ANKS1B: variants seen among roughly 807,000 people sequenced by gnomAD.
The protein encoded by ANKS1B is ankyrin repeat and sterile alpha motif domain containing 1B, also known as ankyrin repeat and sterile alpha motif domain-containing protein 1B.
Under a neutral mutation model 148.3 loss-of-function variants are expected in ANKS1B, and 36 were observed. The ratio of observed to expected loss-of-function variants is 0.24; its 90% CI spans 0.19 to 0.32. The LOEUF is 0.32. Ranked by LOEUF, ANKS1B falls within the 10% of genes least tolerant of loss-of-function variation. The pLI is 1.00. For synonymous variants in ANKS1B, 542 were observed against 560.8 expected (o/e 0.97, Z 0.47); for missense variants, 1,157 against 1,542.6 (o/e 0.75, Z 4.19).
intron 1 of ANKS1B, among the ~76,000 whole-genome samples, chr12:99,846,397 C>T (rs538665153): frequency 1.3e-5 from 2 of 151,810 alleles, no homozygotes; most frequent in African/African-American, 2.4e-5. Flanking sequence ...TATATTAAAC[C>T]TACATTTCTT....
intron 10 of ANKS1B, among the ~76,000 whole-genome samples, chr12:99,478,919 C>T (rs953440391): frequency 3.9e-5 from 6 of 151,974 alleles, no homozygotes; most frequent in Non-Finnish European, 7.4e-5. Flanking sequence ...TTCTAATACC[C>T]ATATTAAAAC....
chr12:99,447,990 T>C (rs2095663839), intron 10 of ANKS1B, among the ~76,000 whole-genome samples: 1 of 152,110 alleles, frequency 6.6e-6, no homozygotes, highest in Non-Finnish European at 1.5e-5. Context: ...GGAACCACTG[T>C]ACACTGTTAA....
intron 11 of ANKS1B, among the ~76,000 whole-genome samples, chr12:99,412,462 G>A (rs1226500617): frequency 6.6e-6 from 1 of 152,154 alleles, no homozygotes; most frequent in African/African-American, 2.4e-5. Flanking sequence ...TGTTGCTCAG[G>A]CTTGAGATTC....
intron 17 of ANKS1B, among the ~76,000 whole-genome samples, chr12:98,927,570 T>G (rs2099809866): frequency 6.6e-6 from 1 of 151,976 alleles, no homozygotes; most frequent in South Asian, 2.1e-4. Context: ...TAATTGAAAT[T>G]TTTTTCTTTT....
chr12:99,843,499 C>T (rs1237887108), intron 1 of ANKS1B, among the ~76,000 whole-genome samples: 1 of 152,084 alleles, frequency 6.6e-6, no homozygotes, highest in Non-Finnish European at 1.5e-5. Flanking sequence ...TAAGTGAGAA[C>T]ATGTGGTATT....
intron 9 of ANKS1B, among the ~76,000 whole-genome samples, chr12:99,598,788 T>C (rs745421380): frequency 1.3e-5 from 2 of 152,122 alleles, no homozygotes; most frequent in Non-Finnish European, 2.9e-5. Context: ...CAGAAACAAC[T>C]GTTGTATTAG....
intron 17 of ANKS1B, among the ~76,000 whole-genome samples, chr12:98,964,529 A>C (rs1325875265): frequency 1.3e-5 from 2 of 152,226 alleles, no homozygotes; most frequent in African/African-American, 4.8e-5. Context: ...CACTATTCAC[A>C]ATGGCCAAGA....
At chr12:98,753,009 C>A (rs567972439) in intron 25 of ANKS1B, among the ~76,000 whole-genome samples, 17 of 152,330 alleles carry the variant, frequency 1.1e-4, no homozygotes, top group Non-Finnish European at 2.1e-4. Context: ...AGTGCTCCAA[C>A]AGAGCCAATT....
chr12:99,271,042 AG>A (rs1315738901), intron 12 of ANKS1B, among the ~76,000 whole-genome samples: 6 of 152,236 alleles, frequency 3.9e-5, no homozygotes, highest in African/African-American at 1.4e-4. Context: ...TAAAGGATAA[AG>A]CCCAATGCCT....
intron 12 of ANKS1B, among the ~76,000 whole-genome samples, chr12:99,333,863 T>G (rs556645988): frequency 4.7e-5 from 7 of 149,652 alleles, no homozygotes; most frequent in East Asian, 3.9e-4. Flanking sequence ...AGTTTTTTTT[T>G]TTTTTTTTTT....
At chr12:99,963,940 C>G (rs1253243649) in intron 1 of ANKS1B, among the ~76,000 whole-genome samples, 2 of 152,178 alleles carry the variant, frequency 1.3e-5, no homozygotes, top group South Asian at 2.1e-4. Context: ...CAGTGAATGA[C>G]AGTTAATATC....
chr12:99,050,683 T>A (rs1164839717), intron 17 of ANKS1B, among the ~76,000 whole-genome samples: 1 of 120,750 alleles, frequency 8.3e-6, no homozygotes, highest in Non-Finnish European at 1.7e-5. Flanking sequence ...TTTCTTTTTT[T>A]CTTTTTCTTT....
intron 14 of ANKS1B, among the ~76,000 whole-genome samples, chr12:99,236,519 A>T (rs1601928105): frequency 6.6e-6 from 1 of 152,174 alleles, no homozygotes; most frequent in East Asian, 1.9e-4. Flanking sequence ...ACCCACTATC[A>T]TGAAAACAGC....
At chr12:99,671,134 G>A (rs1042180523) in intron 8 of ANKS1B, among the ~76,000 whole-genome samples, 1 of 152,100 alleles carries the variant, frequency 6.6e-6, no homozygotes, top group African/African-American at 2.4e-5. Flanking sequence ...ATTGCATGAA[G>A]TATATCTTAT....
At chr12:99,795,901 ATTTC>A (rs1183295350) in intron 4 of ANKS1B, among the ~76,000 whole-genome samples, 2 of 152,004 alleles carry the variant, frequency 1.3e-5, no homozygotes, top group Non-Finnish European at 2.9e-5. Context: ...ACTAGTACAA[ATTTC>A]TTTTTCTTTC....
intron 16 of ANKS1B, among the ~76,000 whole-genome samples, chr12:99,061,282 A>C (rs1051327889): frequency 6.6e-6 from 1 of 152,134 alleles, no homozygotes; most frequent in African/African-American, 2.4e-5. Context: ...TTTTTTCTTC[A>C]TCTTCCTATA....
At chr12:99,964,842 G>A (rs999162272) in intron 1 of ANKS1B, among the ~76,000 whole-genome samples, 4 of 152,172 alleles carry the variant, frequency 2.6e-5, no homozygotes, top group African/African-American at 9.7e-5. Context: ...AGCCTAGTGT[G>A]GGGTGACAGA....
intron 17 of ANKS1B, among the ~76,000 whole-genome samples, chr12:98,951,882 A>G (rs2099854620): frequency 6.6e-6 from 1 of 152,014 alleles, no homozygotes. Flanking sequence ...CTTTTTTCTT[A>G]TTAGATTCCA....
At chr12:99,665,221 ATT>A (rs1245427067) in intron 8 of ANKS1B, among the ~76,000 whole-genome samples, 1 of 152,248 alleles carries the variant, frequency 6.6e-6, no homozygotes, top group East Asian at 1.9e-4. Context: ...ACCATTTTAC[ATT>A]CCCATTCATT....
Sources: gnomAD v4.1 joint callset for allele counts (sites outside exome capture counted in the v4.1 genomes callset) on GRCh38, gnomAD v4.1.1 for gene constraint, MANE v1.5 for transcripts, NCBI Gene and HGNC (gene_info 2026-07-23, HGNC 2026-07-21) for gene names.